The following GPD2 variants were observed in gnomAD, a reference collection of about 807,000 sequenced individuals.
GPD2 encodes glycerol-3-phosphate dehydrogenase 2.
A neutral mutation model predicts 82.4 loss-of-function variants in GPD2; 54 were observed. The observed-to-expected ratio is 0.66, with a 90% confidence interval of 0.53 to 0.82. The LOEUF (loss-of-function observed/expected upper bound fraction) is 0.82. Ranked by LOEUF, GPD2 falls within the 40% of genes least tolerant of loss-of-function variation. GPD2 has a pLI of 0.00. For synonymous variants in GPD2, 288 were observed against 306.1 expected, an observed-to-expected ratio of 0.94 and a Z score of 0.62; for missense variants, 748 against 896.2, an observed-to-expected ratio of 0.83 and a Z score of 2.11.
chr2:156,496,241 AT>A, intron 3 of GPD2, 26 bp downstream of exon 3: 1 of 1,536,408 alleles, frequency 6.5e-7, no homozygotes, highest in Non-Finnish European at 9.0e-7. Flanking sequence ...TTTTATTTTA[AT>A]TTTAAGTTCT....
At chr2:156,500,817 A>G (rs982435544) in intron 3 of GPD2, among the ~76,000 whole-genome samples, 5 of 152,154 alleles carry the variant, frequency 3.3e-5, no homozygotes, top group African/African-American at 1.2e-4. Context: ...TTGGGAATCA[A>G]TTTTCATTTG....
chr2:156,453,972 G>T (rs1682705303), intron 1 of GPD2, among the ~76,000 whole-genome samples: 1 of 152,186 alleles, frequency 6.6e-6, no homozygotes, highest in African/African-American at 2.4e-5. Flanking sequence ...CAAATAAGGG[G>T]AAATAGCAGT....
At chr2:156,472,592 G>A (rs149815550) in intron 1 of GPD2, among the ~76,000 whole-genome samples, 3 of 152,130 alleles carry the variant, frequency 2.0e-5, no homozygotes, top group African/African-American at 7.2e-5. Context: ...AAAGTGCTGG[G>A]ATTACAGATG....
rs142942846 is a variant in GPD2, at chr2:156,482,115, C to T, written c.102+5908C>T. ...TCCCAAGGGATATGAATATAAAGTG[C>T]GGTTGTAGTCAGCAAGCAAGTTGCT... is the stretch of plus-strand genomic sequence containing the variant. On this transcript the variant is annotated intron_variant, in intron 2 of 16. Coordinates refer to ENST00000438166, the MANE Select transcript of GPD2 (RefSeq NM_000408.5). Among the ~76,000 whole-genome samples the T allele has an allele frequency of 5.9e-5, 9 of 152,278 alleles. No individual in the cohort carries two copies. The East Asian group carries it at 1.2e-3, about 20-fold the overall frequency.
chr2:156,453,747 C>A (rs1337902004), intron 1 of GPD2, among the ~76,000 whole-genome samples: 1 of 152,114 alleles, frequency 6.6e-6, no homozygotes, highest in Non-Finnish European at 1.5e-5. Flanking sequence ...CATGGTGGCA[C>A]ATGCCTGTGA....
intron 1 of GPD2, among the ~76,000 whole-genome samples, chr2:156,462,330 G>T (rs2105177438): frequency 6.6e-6 from 1 of 151,966 alleles, no homozygotes; most frequent in East Asian, 1.9e-4. Context: ...TTGTTGCCCA[G>T]GCTGGAGTCC....
chr2:156,402,390 A>T, the GPD2 span, among the ~76,000 whole-genome samples: 1 of 152,242 alleles, frequency 6.6e-6, no homozygotes, highest in Non-Finnish European at 1.5e-5. Flanking sequence ...AATTATAAAG[A>T]CATAAAAGAT....
At chr2:156,436,005 C>CA (rs1310312863), upstream of GPD2, among the ~76,000 whole-genome samples, 4 of 152,320 alleles carry the variant, frequency 2.6e-5, no homozygotes, top group East Asian at 3.9e-4. Context: ...CGCCGAGGCA[C>CA]AAAGCAGGAA....
chr2:156,546,934 G>A (rs568747517), intron 6 of GPD2, among the ~76,000 whole-genome samples: 4 of 150,544 alleles, frequency 2.7e-5, no homozygotes, highest in African/African-American at 4.9e-5. Context: ...TTAACACAGC[G>A]AATGAGATTA....
At chr2:156,552,787 G>T (rs914487037) in intron 8 of GPD2, among the ~76,000 whole-genome samples, 1 of 150,814 alleles carries the variant, frequency 6.6e-6, no homozygotes, top group African/African-American at 2.4e-5. Flanking sequence ...ATTGTTCGCA[G>T]AATTAAAGTG....
intron 6 of GPD2, among the ~76,000 whole-genome samples, chr2:156,539,180 G>A (rs550276562): frequency 6.6e-6 from 1 of 152,276 alleles, no homozygotes; most frequent in East Asian, 1.9e-4. Context: ...AACAATATTA[G>A]CTTCATTCTT....
intron 2 of GPD2, among the ~76,000 whole-genome samples, chr2:156,486,818 A>G (rs999491673): frequency 4.6e-5 from 7 of 152,250 alleles, no homozygotes; most frequent in Non-Finnish European, 1.0e-4. Flanking sequence ...AATGATGAGT[A>G]TGCATTATAA....
intron 1 of GPD2, among the ~76,000 whole-genome samples, chr2:156,446,759 T>C (rs957239847): frequency 7.2e-5 from 11 of 152,094 alleles, no homozygotes; most frequent in African/African-American, 2.4e-4. Flanking sequence ...AGACAAGGTT[T>C]CACCATGTTG....
At position 156,443,272 on chromosome 2, in the gene GPD2, G is replaced by A. The variant is rs531422650; in HGVS notation, c.-9+6759G>A. Among the ~76,000 whole-genome samples, 5 of 152,286 alleles carry A rather than the reference G, an allele frequency of 3.3e-5. No homozygotes were observed. The South Asian group carries it at 8.3e-4, about 25-fold the overall frequency. ...ATTCCCTTATAGATGCTTGTCTCCT[G>A]TAATTATTTGCAAGCATGCATAATT... On this transcript the variant is annotated intron_variant, in intron 1 of 16. Transcript: ENST00000438166.
At chr2:156,403,570 T>G in the GPD2 span, among the ~76,000 whole-genome samples, 1 of 151,896 alleles carries the variant, frequency 6.6e-6, no homozygotes, top group African/African-American at 2.4e-5. Context: ...TAAGTACGTT[T>G]GAGTTGAGGA....
intron 8 of GPD2, among the ~76,000 whole-genome samples, chr2:156,554,830 C>T (rs1271696277): frequency 6.6e-6 from 1 of 152,170 alleles, no homozygotes; most frequent in Non-Finnish European, 1.5e-5. Context: ...AGCTCTAACA[C>T]TGATTGCTAA....
At chr2:156,458,239 C>T (rs1682854191) in intron 1 of GPD2, among the ~76,000 whole-genome samples, 1 of 152,104 alleles carries the variant, frequency 6.6e-6, no homozygotes, top group East Asian at 1.9e-4. Context: ...CTGTGGACTT[C>T]CTTTAGGGCC....
intron 2 of GPD2, among the ~76,000 whole-genome samples, chr2:156,481,993 A>G (rs1231640416): frequency 2.0e-5 from 3 of 152,192 alleles, no homozygotes; most frequent in Non-Finnish European, 4.4e-5. Flanking sequence ...TAGGGATAAC[A>G]GTGGTACTTC....
At chr2:156,489,274 T>C (rs901034884) in intron 2 of GPD2, among the ~76,000 whole-genome samples, 8 of 152,236 alleles carry the variant, frequency 5.3e-5, no homozygotes, top group African/African-American at 1.9e-4. Flanking sequence ...ATGTGAAATA[T>C]AGCAATTTAA....
Sources: allele counts gnomAD v4.1 joint callset (sites outside exome capture counted in the v4.1 genomes callset), GRCh38; gene constraint gnomAD v4.1.1; transcripts MANE v1.5; gene names NCBI Gene and HGNC (gene_info 2026-07-23, HGNC 2026-07-21).